TRPS1: variants seen among roughly 807,000 people sequenced by gnomAD.
The protein encoded by TRPS1 is transcriptional repressor GATA binding 1.
TRPS1 carries 6 observed loss-of-function variants against 101.2 expected under a neutral mutation model. The observed-to-expected ratio is 0.06, with a 90% CI of 0.03 to 0.12. TRPS1 has a LOEUF of 0.12. Ranked by LOEUF, TRPS1 falls within the 10% of genes least tolerant of loss-of-function variation. The pLI is 1.00. For synonymous variants in TRPS1, 578 were observed against 589.8 expected, an observed-to-expected ratio of 0.98 and a Z score of 0.29; for missense variants, 1,363 against 1,567.0, an observed-to-expected ratio of 0.87 and a Z score of 2.20.
rs1586249494 is a variant in TRPS1, at chr8:115,414,348, C to T, written c.3560G>A (p.Gly1187Glu). 6.2e-7 allele frequency: 1 copy of T among 1,613,858 alleles called. No individual in the cohort carries two copies. The highest frequency in any genetic ancestry group is 1.1e-5 in the South Asian group (1 of 91,078). ...LDLAIKHSRPGPTANGASKEK... is the reference protein window; with the variant it reads ...LDLAIKHSRPEPTANGASKEK... ...CTTGGAGGCACCGTTTGCAGTTGGC[C>T]CAGGTCTGGAATGCTTGATCGCCAA... The change falls in exon 7 of 7, where the codon GGG becomes GAG. Residue 1187 changes from glycine to glutamate, a missense_variant. By Grantham distance (98) the Gly-to-Glu change is moderately conservative. Around this residue, in one of 5 missense-constraint regions of TRPS1, gnomAD observed 307 missense variants for 392.4 expected, o/e 0.78. Transcript: ENST00000395715. This position sits in a 1 kb window ranked among gnomAD's most constrained non-coding sequence, Gnocchi z 4.8.
chr8:115,587,833 GACACACAC>G (rs34198799), intron 4 of TRPS1, among the ~76,000 whole-genome samples: 6 of 151,156 alleles, frequency 4.0e-5, no homozygotes, highest in East Asian at 3.9e-4. Context: ...GTATAACACA[GACACACAC>G]ACACACACAC....
intron 5 of TRPS1, among the ~76,000 whole-genome samples, chr8:115,463,658 A>G (rs1446089048): frequency 6.6e-6 from 1 of 152,212 alleles, no homozygotes; most frequent in South Asian, 2.1e-4. Flanking sequence ...GGTTATTTCA[A>G]GTATTTCATT....
chr8:115,498,415 C>CTCTCTCTCTCTCTATATA (rs1486361297), intron 5 of TRPS1, among the ~76,000 whole-genome samples: 6 of 39,312 alleles, frequency 1.5e-4, no homozygotes, highest in African/African-American at 6.6e-4. Flanking sequence ...CTCTCTCTCT[C>CTCTCTCTCTCTCTATATA]TATATATATA....
chr8:115,448,348 T>A (rs944080918), intron 5 of TRPS1, among the ~76,000 whole-genome samples: 6 of 152,202 alleles, frequency 3.9e-5, no homozygotes, highest in African/African-American at 1.4e-4. Context: ...AAAAGCTATA[T>A]GGATAATTGC....
rs779524402 is a variant in TRPS1 at position 115,411,336 on chromosome 8, C to T, written c.*2687G>A. 2.6e-5 allele frequency: 4 copies of T among 151,816 alleles called. No individual in the cohort carries two copies. Among genetic ancestry groups the T allele is most frequent in the African/African-American group, 9.7e-5 (4 of 41,230 alleles). The allele number at this position is 151,816 out of a possible 1,614,324, so 9.4% of individuals were successfully genotyped here. ...AGGCATACATGCCAAAAATAAAGAA[C>T]CTATTTGTGTCCGACACACTAGAGA... On this transcript the variant is annotated 3_prime_UTR_variant, in exon 7 of 7. Coordinates refer to ENST00000395715, the MANE Select transcript of TRPS1 (RefSeq NM_014112.5).
intron 5 of TRPS1, among the ~76,000 whole-genome samples, chr8:115,449,689 T>G (rs1813819654): frequency 6.6e-6 from 1 of 152,226 alleles, no homozygotes; most frequent in African/African-American, 2.4e-5. Context: ...TGTAACAATC[T>G]ACAGAGATGA....
chr8:115,520,665 T>A (rs1349354677), intron 5 of TRPS1, among the ~76,000 whole-genome samples: 1 of 151,756 alleles, frequency 6.6e-6, no homozygotes, highest in Non-Finnish European at 1.5e-5. Context: ...CACAAAAGGA[T>A]TATTTAATTA....
At chr8:115,642,499 A>C (rs909822820) in intron 1 of TRPS1, among the ~76,000 whole-genome samples, 1 of 152,078 alleles carries the variant, frequency 6.6e-6, no homozygotes, top group Non-Finnish European at 1.5e-5. Context: ...AAACTTACAT[A>C]ACCAAAAGAG....
intron 1 of TRPS1, among the ~76,000 whole-genome samples, chr8:115,663,126 A>C (rs1185839304): frequency 6.6e-6 from 1 of 152,170 alleles, no homozygotes; most frequent in Non-Finnish European, 1.5e-5. Context: ...ACAAAGAGCA[A>C]TTGGAGAAAT....
At chr8:115,504,731 T>A (rs62513001) in intron 5 of TRPS1, among the ~76,000 whole-genome samples, 3 of 152,220 alleles carry the variant, frequency 2.0e-5, no homozygotes, top group African/African-American at 7.2e-5. Context: ...ATGTTAGGCA[T>A]ATTTATTCTG....
At chr8:115,547,861 T>C (rs1258395980) in intron 5 of TRPS1, among the ~76,000 whole-genome samples, 1 of 152,162 alleles carries the variant, frequency 6.6e-6, no homozygotes, top group Non-Finnish European at 1.5e-5. Context: ...TGCTGGGTTG[T>C]AAACACTAGA....
At chr8:115,565,186 C>T (rs1187264957) in intron 5 of TRPS1, among the ~76,000 whole-genome samples, 2 of 152,086 alleles carry the variant, frequency 1.3e-5, no homozygotes, top group African/African-American at 2.4e-5. Context: ...TGACACATAA[C>T]GATGTGGACT....
chr8:115,441,898 A>AGAGTGTGT (rs1554620719), intron 5 of TRPS1, among the ~76,000 whole-genome samples: 12 of 116,188 alleles, frequency 1.0e-4, no homozygotes, highest in African/African-American at 3.8e-4. Flanking sequence ...AGAGAGAGAG[A>AGAGTGTGT]GTGTGTGTGT....
chr8:115,629,222 T>C (rs1160857349), intron 1 of TRPS1, among the ~76,000 whole-genome samples: 2 of 151,912 alleles, frequency 1.3e-5, no homozygotes, highest in East Asian at 1.9e-4. Context: ...TGTTTTGTTA[T>C]GAAGAGGGCT....
At position 115,604,428 on chromosome 8, in the gene TRPS1, C is replaced by T; in HGVS notation, c.1541G>A (p.Ser514Asn). 1.2e-6 allele frequency: 2 copies of T among 1,614,048 alleles called. No individual in the cohort carries two copies. Among genetic ancestry groups the T allele is most frequent in the East Asian group, 2.2e-5 (1 of 44,860 alleles). The change falls in exon 4 of 7, where the codon AGC becomes AAC. Residue 514 changes from serine to asparagine, a missense_variant. By Grantham distance (46) the Ser-to-Asn change is conservative. Coordinates refer to ENST00000395715, the MANE Select transcript of TRPS1 (RefSeq NM_014112.5). The surrounding 1 kb of genome is among the most constrained non-coding windows in gnomAD (Gnocchi z 4.1). ...GTCCTTCTTTTTAGCCCCACTCGAG[C>T]TCTTGTCTGTCTTGGTCATTGTCTC... ...EGETMTKTDKSSSGAKKKDFS... is the reference protein window; with the variant it reads ...EGETMTKTDKNSSGAKKKDFS...
chr8:115,615,823 C>T (rs1475004409), intron 3 of TRPS1, among the ~76,000 whole-genome samples: 3 of 152,068 alleles, frequency 2.0e-5, no homozygotes, highest in African/African-American at 7.2e-5. Flanking sequence ...AGAACTCGAT[C>T]TCTTGTATTA....
chr8:115,428,693 C>T (rs546325433), intron 5 of TRPS1, among the ~76,000 whole-genome samples: 11 of 152,094 alleles, frequency 7.2e-5, no homozygotes, highest in African/African-American at 1.7e-4. Flanking sequence ...TCTGGGACCA[C>T]GCAATTCTGT....
chr8:115,648,837 G>GCTTT (rs951268179), intron 1 of TRPS1, among the ~76,000 whole-genome samples: 1 of 151,718 alleles, frequency 6.6e-6, no homozygotes, highest in African/African-American at 2.4e-5. Context: ...CCCAAACCAC[G>GCTTT]CTTTCTTTTT....
At chr8:115,622,800 G>A (rs1818424275) in intron 2 of TRPS1, among the ~76,000 whole-genome samples, 2 of 152,058 alleles carry the variant, frequency 1.3e-5, no homozygotes, top group Non-Finnish European at 2.9e-5. Flanking sequence ...AATTCATTAA[G>A]GTTAGCCTTC....
Sources: allele counts gnomAD v4.1 joint callset (sites outside exome capture counted in the v4.1 genomes callset), GRCh38; gene constraint gnomAD v4.1.1; regional missense constraint gnomAD v4.1.1; non-coding constraint Gnocchi (gnomAD v3.1); transcripts MANE v1.5; gene names NCBI Gene and HGNC (gene_info 2026-07-23, HGNC 2026-07-21).